The following NKAIN1 variants were observed in gnomAD, a reference collection of about 807,000 sequenced individuals.
NKAIN1 encodes sodium/potassium-transporting ATPase subunit beta-1-interacting protein 1.
Under a neutral mutation model 31.6 loss-of-function variants are expected in NKAIN1, and 13 were observed. The ratio of observed to expected loss-of-function variants is 0.41; its 90% CI spans 0.27 to 0.65. The LOEUF (loss-of-function observed/expected upper bound fraction) is 0.65, where lower values mean the gene tolerates loss of function less well. Among genes scored for constraint, NKAIN1 ranks in the 30% least tolerant of loss-of-function variants. NKAIN1 has a pLI of 0.30. For synonymous variants in NKAIN1, 104 were observed against 109.0 expected (o/e 0.95, Z 0.28); for missense variants, 193 against 262.2 (o/e 0.74, Z 1.82).
At chr1:31,202,217 C>G (rs1645385714) in intron 1 of NKAIN1, among the ~76,000 whole-genome samples, 1 of 152,232 alleles carries the variant, frequency 6.6e-6, no homozygotes, top group Non-Finnish European at 1.5e-5. Context: ...CTGGGGGGCT[C>G]TGCAAGCCCC....
chr1:31,208,343 A>AC (rs11394529), intron 1 of NKAIN1, among the ~76,000 whole-genome samples: 89,914 of 151,888 alleles, frequency 0.59, 29,430 homozygotes, highest in Middle Eastern at 0.83. Context: ...TCTTTCTTCC[A>AC]CCCCCCGCTT....
At chr1:31,227,013 C>T (rs767806008) in intron 1 of NKAIN1, among the ~76,000 whole-genome samples, 2 of 152,038 alleles carry the variant, frequency 1.3e-5, no homozygotes, top group African/African-American at 2.4e-5. Flanking sequence ...TTAGTAGAGA[C>T]GGGATTTCAC....
At chr1:31,200,537 A>G (rs1359917660) in intron 1 of NKAIN1, among the ~76,000 whole-genome samples, 1 of 144,412 alleles carries the variant, frequency 6.9e-6, no homozygotes. Context: ...GGCTCACTGC[A>G]GCCTCAGCCT....
rs1049247574 is a variant in NKAIN1 at position 31,182,649 on chromosome 1, C to T, written c.472-59G>A. On this transcript the variant is annotated intron_variant, in intron 4 of 6. Coordinates refer to ENST00000373736, the MANE Select transcript of NKAIN1 (RefSeq NM_024522.3). Reference sequence around the variant, plus strand: ...AGGAGTGGGAACCTCTTCCTCCGCCCCCTGCCGGGCCCTGTACGCTCTGAC... The same window carrying T: ...AGGAGTGGGAACCTCTTCCTCCGCCTCCTGCCGGGCCCTGTACGCTCTGAC... 6.3e-6 allele frequency: 10 copies of T among 1,588,434 alleles called. No individual in the cohort carries two copies. In the African/African-American group the frequency reaches 1.3e-4, roughly 21 times the overall value.
chr1:31,230,883 T>TA (rs1390220281), intron 1 of NKAIN1, among the ~76,000 whole-genome samples: 7 of 147,122 alleles, frequency 4.8e-5, no homozygotes, highest in African/African-American at 1.5e-4. Flanking sequence ...GGGTTATTTT[T>TA]TTTTTTTTTT....
At chr1:31,237,289 G>A (rs1033515002) in intron 1 of NKAIN1, among the ~76,000 whole-genome samples, 4 of 152,048 alleles carry the variant, frequency 2.6e-5, no homozygotes, top group Non-Finnish European at 5.9e-5. Flanking sequence ...ACAAAGCCTG[G>A]GTCCTAGTTC....
intron 1 of NKAIN1, among the ~76,000 whole-genome samples, chr1:31,218,895 G>A (rs982338549): frequency 7.2e-5 from 11 of 152,220 alleles, no homozygotes; most frequent in Admixed American, 1.3e-4. Flanking sequence ...ACGGCAGTGC[G>A]CTCAGATGAC....
intron 1 of NKAIN1, among the ~76,000 whole-genome samples, chr1:31,223,357 C>T (rs1190867312): frequency 8.9e-6 from 1 of 112,344 alleles, no homozygotes; most frequent in East Asian, 2.9e-4. Context: ...GCCTGGGAGA[C>T]AGAGCAAGAC....
intron 1 of NKAIN1, among the ~76,000 whole-genome samples, chr1:31,205,598 C>A (rs905074431): frequency 6.6e-6 from 1 of 150,872 alleles, no homozygotes. Flanking sequence ...TGAGCAACCA[C>A]GCCCAGCCGG....
At chr1:31,214,897 G>A (rs927867429) in intron 1 of NKAIN1, among the ~76,000 whole-genome samples, 3 of 152,226 alleles carry the variant, frequency 2.0e-5, no homozygotes, top group African/African-American at 7.2e-5. Flanking sequence ...CCTGTGGCCT[G>A]AACAGAGAAA....
chr1:31,217,246 C>T (rs1393926352), intron 1 of NKAIN1, among the ~76,000 whole-genome samples: 4 of 152,126 alleles, frequency 2.6e-5, no homozygotes, highest in African/African-American at 9.7e-5. Context: ...CTTACTGCAG[C>T]CTCCAACTCC....
At chr1:31,215,774 T>C (rs915676186) in intron 1 of NKAIN1, among the ~76,000 whole-genome samples, 10 of 152,144 alleles carry the variant, frequency 6.6e-5, no homozygotes, top group South Asian at 2.1e-4. Flanking sequence ...CCATGAGTGG[T>C]GCATCTCTCA....
At chr1:31,221,033 G>T (rs1176170229) in intron 1 of NKAIN1, among the ~76,000 whole-genome samples, 1 of 152,178 alleles carries the variant, frequency 6.6e-6, no homozygotes, top group African/African-American at 2.4e-5. Flanking sequence ...GGAGGCAGGG[G>T]ACAAGTTGTC....
intron 1 of NKAIN1, among the ~76,000 whole-genome samples, chr1:31,192,029 G>C (rs1043637514): frequency 6.6e-6 from 1 of 152,128 alleles, no homozygotes; most frequent in Non-Finnish European, 1.5e-5. Flanking sequence ...TCCTGCCTTG[G>C]CCTCCCAAAA....
In NKAIN1 at chr1:31,184,030, C is replaced by A; in HGVS notation, c.274-16G>T. On this transcript the variant is annotated splice_polypyrimidine_tract_variant and intron_variant, in intron 3 of 6. Coordinates refer to ENST00000373736, the MANE Select transcript of NKAIN1 (RefSeq NM_024522.3). ...AGTCCCGGTCCTGGGGGCAAAGGGG[C>A]CTGGGATACTGAGTGTGAGGGAGAG... 6.2e-7 allele frequency: 1 copy of A among 1,610,814 alleles called. No individual in the cohort carries two copies. The highest frequency in any genetic ancestry group is 8.5e-7 in the Non-Finnish European group (1 of 1,178,280).
Position 31,181,517 on chromosome 1 carries a change from A to C in NKAIN1, c.*186T>G. ...TCCGAAGTCCGGGCTGCGAAGAGCC[A>C]AGCTCAAATCCAAGTCCAAGTCCAA... On this transcript the variant is annotated 3_prime_UTR_variant, in exon 7 of 7. Transcript: ENST00000373736. 2 of 471,710 alleles carry C rather than the reference A, an allele frequency of 4.2e-6. No individual in the cohort carries two copies. Among genetic ancestry groups the C allele is most frequent in the Non-Finnish European group, 3.5e-6 (1 of 285,058 alleles). 29.2% of individuals were successfully genotyped at this position (471,710 alleles called of 1,614,324 possible).
In NKAIN1 at chr1:31,185,313, C is replaced by T. The variant is rs1199188913; in HGVS notation, c.207G>A (p.Leu69=). 3 of 1,609,464 alleles carry T rather than the reference C, an allele frequency of 1.9e-6. No homozygotes were observed. The highest frequency in any genetic ancestry group is 2.5e-6 in the Non-Finnish European group (3 of 1,177,712). ...SRYLILYAAW[L]VLWVGWNAFI... ...ATGCATTCCAGCCAACCCAGAGCAC[C>T]AGCCAGGCTGCATACTGGGGAAAGC... Residue 69 remains leucine, a synonymous_variant, in exon 3 of 7, where the codon CTG becomes CTA. Coordinates refer to ENST00000373736, the MANE Select transcript of NKAIN1 (RefSeq NM_024522.3).
chr1:31,230,347 T>A (rs967988311), intron 1 of NKAIN1, among the ~76,000 whole-genome samples: 2 of 152,154 alleles, frequency 1.3e-5, no homozygotes, highest in African/African-American at 2.4e-5. Context: ...CTCAAGGTCA[T>A]CCAGCTACAA....
chr1:31,198,791 C>T (rs1027906456), intron 1 of NKAIN1, among the ~76,000 whole-genome samples: 3 of 151,020 alleles, frequency 2.0e-5, no homozygotes, highest in African/African-American at 7.3e-5. Flanking sequence ...CCATAGGAAC[C>T]TTCAGCCCCG....
Sources: gnomAD v4.1 joint callset for allele counts (sites outside exome capture counted in the v4.1 genomes callset) on GRCh38, gnomAD v4.1.1 for gene constraint, MANE v1.5 for transcripts, NCBI Gene and HGNC (gene_info 2026-07-23, HGNC 2026-07-21) for gene names.